The following KRABD3 variants were observed in gnomAD, a reference collection of about 807,000 sequenced individuals.
The protein encoded by KRABD3 is KRAB domain-containing protein 3.
At chr7:149,719,859 C>CCTCTGAGGTTCCGACCA in the KRABD3 span, 1 of 1,184,472 alleles carries the variant, frequency 8.4e-7, no homozygotes, top group Non-Finnish European at 1.2e-6. The surrounding 1 kb of genome is among the most constrained non-coding windows in gnomAD (Gnocchi z 5.6). Context: ...TATGCGGCGG[C>CCTCTGAGGTTCCGACCA]CTCTGAGGTT....
At chr7:149,722,855 G>A in the KRABD3 span, 5 of 1,613,438 alleles carry the variant, frequency 3.1e-6, no homozygotes, top group Admixed American at 1.7e-5. Flanking sequence ...CCTGGGCCCC[G>A]GCACCCCGAG....
the KRABD3 span, chr7:149,734,195 G>A: frequency 1.8e-6 from 2 of 1,125,038 alleles, no homozygotes; most frequent in Admixed American, 5.8e-5. Context: ...TCCCAACTGG[G>A]TAGAGCCCCC....
the KRABD3 span, chr7:149,720,148 T>C: frequency 6.4e-7 from 1 of 1,550,828 alleles, no homozygotes; most frequent in Non-Finnish European, 8.7e-7. Context: ...TGTCAGACTT[T>C]GGGTGTCTCC....
chr7:149,730,316 T>G, the KRABD3 span: 224 of 1,547,396 alleles, frequency 1.4e-4, no homozygotes, highest in African/African-American at 2.7e-3. Context: ...GGCCAGAGCC[T>G]GATCTCTGGA....
the KRABD3 span, among the ~76,000 whole-genome samples, chr7:149,715,863 C>T: frequency 2.0e-5 from 3 of 152,184 alleles, no homozygotes; most frequent in Admixed American, 1.3e-4. Context: ...TCTGGCTGCA[C>T]AGTTAAGTAG....
the KRABD3 span, chr7:149,729,249 C>T: frequency 6.2e-7 from 1 of 1,602,980 alleles, no homozygotes. Context: ...AAGCGCCCAC[C>T]CGGAGCCTCC....
At chr7:149,720,189 T>G in the KRABD3 span, 2 of 1,535,584 alleles carry the variant, frequency 1.3e-6, no homozygotes, top group Non-Finnish European at 1.8e-6. Context: ...CCCCAGGCAA[T>G]GCGTGACCTC....
chr7:149,730,435 C>A, the KRABD3 span: 3 of 1,592,524 alleles, frequency 1.9e-6, no homozygotes, highest in Non-Finnish European at 2.6e-6. Flanking sequence ...TAGAGAGGGA[C>A]CGCCTTCCCA....
chr7:149,719,969 A>G, the KRABD3 span: 5 of 1,527,774 alleles, frequency 3.3e-6, no homozygotes, highest in Non-Finnish European at 4.4e-6. The surrounding 1 kb of genome is among the most constrained non-coding windows in gnomAD (Gnocchi z 5.6). Context: ...AGCGGAGACC[A>G]CTCCATTCCC....
the KRABD3 span, chr7:149,725,635 A>C: frequency 1.1e-6 from 1 of 877,460 alleles, no homozygotes; most frequent in Non-Finnish European, 1.7e-6. Context: ...ACTCCCAAAC[A>C]GCCGCCCGCA....
chr7:149,722,316 C>G, the KRABD3 span: 1 of 1,500,812 alleles, frequency 6.7e-7, no homozygotes, highest in Non-Finnish European at 9.0e-7. Flanking sequence ...CGAACAGGGA[C>G]TTGGGTGGCT....
At chr7:149,729,130 C>G in the KRABD3 span, 2 of 1,339,582 alleles carry the variant, frequency 1.5e-6, no homozygotes, top group Non-Finnish European at 9.8e-7. Flanking sequence ...GTCCCTTCTT[C>G]TGTGGCAGCA....
At chr7:149,722,692 T>C in the KRABD3 span, 2 of 1,511,888 alleles carry the variant, frequency 1.3e-6, no homozygotes, top group African/African-American at 1.4e-5. Flanking sequence ...CGGGTGGGAA[T>C]CTCAGCCGCC....
chr7:149,730,590 G>T, the KRABD3 span: 2 of 1,606,492 alleles, frequency 1.2e-6, no homozygotes, highest in South Asian at 1.1e-5. Flanking sequence ...GTCTCCTGAG[G>T]GGGCGCCCAT....
At chr7:149,715,005 C>T in the KRABD3 span, 292 of 1,223,284 alleles carry the variant, frequency 2.4e-4, no homozygotes, top group Admixed American at 4.7e-4. Context: ...TGCGCCCGCG[C>T]CAGGGCCCGC....
At chr7:149,721,000 A>T in the KRABD3 span, 1 of 1,612,962 alleles carries the variant, frequency 6.2e-7, no homozygotes, top group Non-Finnish European at 8.5e-7. Flanking sequence ...GGTAAGTCAG[A>T]CAGTGGGGCA....
At chr7:149,730,743 C>CA in the KRABD3 span, 2 of 819,162 alleles carry the variant, frequency 2.4e-6, no homozygotes, top group Non-Finnish European at 3.7e-6. Context: ...GAGGGCGGGG[C>CA]TGCTGGGGGT....
the KRABD3 span, chr7:149,725,356 T>A: frequency 1.3e-4 from 215 of 1,604,256 alleles, 3 homozygotes; most frequent in South Asian, 2.4e-3. Context: ...CCTGGAAGCC[T>A]GTCTGAAGGG....
At chr7:149,726,437 ATTTTT>A in the KRABD3 span, among the ~76,000 whole-genome samples, 1 of 139,640 alleles carries the variant, frequency 7.2e-6, no homozygotes. Flanking sequence ...TCTATACAGA[ATTTTT>A]TTTTTTTTTT....
Sources: allele counts gnomAD v4.1 joint callset (sites outside exome capture counted in the v4.1 genomes callset), GRCh38; gene constraint gnomAD v4.1.1; non-coding constraint Gnocchi (gnomAD v3.1); transcripts MANE v1.5; gene names NCBI Gene and HGNC (gene_info 2026-07-23, HGNC 2026-07-21).